Variants in MSI1 observed in about 807,000 individuals in gnomAD.
MSI1 encodes the protein musashi RNA binding protein 1, also known as RNA-binding protein Musashi homolog 1.
A neutral mutation model predicts 54.4 loss-of-function variants in MSI1; 15 were observed. That is an observed-to-expected ratio of 0.28 (90% CI 0.18 to 0.42). The LOEUF (loss-of-function observed/expected upper bound fraction) is 0.42, where lower values mean the gene tolerates loss of function less well. MSI1 is among the 20% of genes least tolerant of loss of function. The probability of loss-of-function intolerance (pLI) is 1.00; values close to 1 mark genes in which losing one functional copy is unlikely to be tolerated. For missense variants in MSI1, 304 were observed against 506.0 expected, an observed-to-expected ratio of 0.60 and a Z score of 3.83; for synonymous variants, 200 against 196.5, an observed-to-expected ratio of 1.02 and a Z score of -0.15.
intron 4 of MSI1, 141 bp from the exon 5 acceptor site, chr12:120,364,896 A>G: frequency 3.1e-6 from 2 of 644,176 alleles, no homozygotes; most frequent in Non-Finnish European, 5.2e-6. Context: ...GGAGGAGAGA[A>G]TAGTGGTTAA....
downstream of MSI1, among the ~76,000 whole-genome samples, chr12:120,341,106 G>A (rs1465754625): frequency 3.3e-5 from 5 of 151,774 alleles, no homozygotes; most frequent in African/African-American, 9.7e-5. Flanking sequence ...GCCTGGTCTC[G>A]AACTCCTGAC....
At chr12:120,343,983 AG>A (rs1293349586) in intron 14 of MSI1, among the ~76,000 whole-genome samples, 1 of 152,180 alleles carries the variant, frequency 6.6e-6, no homozygotes, top group East Asian at 1.9e-4. Flanking sequence ...CAGCCTCCCG[AG>A]TAGCTGAGAT....
chr12:120,368,311 C>G lies in MSI1; in HGVS notation c.101-38G>C. The G allele has an allele frequency of 3.3e-6, 5 of 1,502,058 alleles. No individual in the cohort carries two copies. Among genetic ancestry groups the G allele is most frequent in the Non-Finnish European group, 4.4e-6 (5 of 1,131,706 alleles). The allele number at this position is 1,502,058 out of a possible 1,614,324, so 93.0% of individuals were successfully genotyped here. A position where few individuals can be genotyped will look rare whatever the true frequency, so the allele number is the denominator to read the frequency against. On this transcript the variant is annotated intron_variant, in intron 2 of 14. Transcript: ENST00000257552. The surrounding 1 kb of genome is among the most constrained non-coding windows in gnomAD (Gnocchi z 6.6). ...ACCCGCCTTCGGACCAGCCCGGGCC[C>G]CGCGCCCTTCCCCCCCCCCCGTCCT...
intron 10 of MSI1, among the ~76,000 whole-genome samples, chr12:120,352,603 G>A (rs1874720254): frequency 6.6e-6 from 1 of 152,030 alleles, no homozygotes. Flanking sequence ...CGTACACAAA[G>A]TTCTCCAAGC....
intron 6 of MSI1, among the ~76,000 whole-genome samples, chr12:120,362,301 G>T (rs1344363145): frequency 6.6e-6 from 1 of 151,750 alleles, no homozygotes; most frequent in East Asian, 1.9e-4. Context: ...CAGGGACCCC[G>T]GCCCCAAGCA....
chr12:120,351,260 G>T (rs1033033173), intron 11 of MSI1, 84 bp downstream of exon 11: 5 of 1,295,862 alleles, frequency 3.9e-6, no homozygotes, highest in African/African-American at 1.5e-5. Context: ...AAAGGATCCC[G>T]CTAGCTTTCC....
chr12:120,363,232 A>C, intron 5 of MSI1, 97 bp from the exon 6 acceptor site: 2 of 989,578 alleles, frequency 2.0e-6, no homozygotes, highest in Non-Finnish European at 3.1e-6. Flanking sequence ...CCAGCTGACA[A>C]GCTCTCTGTG....
intron 9 of MSI1, among the ~76,000 whole-genome samples, chr12:120,354,945 A>G (rs552585319): frequency 1.1e-4 from 16 of 150,592 alleles, no homozygotes; most frequent in Admixed American, 1.1e-3. Context: ...TACCACCACA[A>G]CACTTTGGGA....
At chr12:120,350,198 A>AT (rs1278949108) in intron 11 of MSI1, among the ~76,000 whole-genome samples, 2 of 151,430 alleles carry the variant, frequency 1.3e-5, no homozygotes, top group Admixed American at 6.6e-5. Flanking sequence ...CTAGTTTTTT[A>AT]TTTTTTTTAG....
Position 120,347,318 on chromosome 12 carries a change from C to T in MSI1, c.859+128G>A, listed in dbSNP as rs1035382795. ...CGATGCCCAGCACAGAGCAGGTAAT[C>T]AGGTGATACTTGAGTGAATGAACAA... is the stretch of plus-strand genomic sequence containing the variant. On this transcript the variant is annotated intron_variant, in intron 12 of 14. Transcript: ENST00000257552. 3 of 1,125,610 alleles carry T rather than the reference C, an allele frequency of 2.7e-6. No homozygotes were observed. In the African/African-American group the frequency reaches 4.6e-5, roughly 17 times the overall value. 69.7% of individuals were successfully genotyped at this position (1,125,610 alleles called of 1,614,324 possible). A position where few individuals can be genotyped will look rare whatever the true frequency, so the allele number is the denominator to read the frequency against.
At chr12:120,346,102 G>T in intron 13 of MSI1, 33 bp downstream of exon 13, 3 of 1,489,516 alleles carry the variant, frequency 2.0e-6, no homozygotes, top group Admixed American at 2.3e-5. Flanking sequence ...GGTGTGGGGG[G>T]TGAGGTGGGG....
At chr12:120,363,746 T>C (rs922201099) in intron 5 of MSI1, among the ~76,000 whole-genome samples, 2 of 152,220 alleles carry the variant, frequency 1.3e-5, no homozygotes, top group Non-Finnish European at 2.9e-5. Flanking sequence ...TTCCTTCGAA[T>C]ACCTGCTCCA....
At chr12:120,341,310 A>G (rs753343798), downstream of MSI1, 2 of 152,644 alleles carry the variant, frequency 1.3e-5, no homozygotes, top group Admixed American at 1.3e-4. Flanking sequence ...ACAGAGACAC[A>G]AGACATTCAC....
rs11447122 is a variant in MSI1 at position 120,349,095 on chromosome 12, A to ATT, written c.791-1583_791-1582dup. On this transcript the variant is annotated intron_variant, in intron 11 of 14. Coordinates refer to ENST00000257552, the MANE Select transcript of MSI1 (RefSeq NM_002442.4). Reference sequence around the variant, plus strand: ...AGGTAAGCCTTTCTTGTTTTACTTGATTTTTTTTTTTTTTTTTTGAGACAG... The same window carrying ATT: ...AGGTAAGCCTTTCTTGTTTTACTTGATTTTTTTTTTTTTTTTTTTTGAGACAG... Among the ~76,000 whole-genome samples, 461 of 128,246 alleles carry ATT rather than the reference A, an allele frequency of 3.6e-3. 4 individuals are homozygous for ATT. The highest frequency in any genetic ancestry group is 0.012 in the South Asian group (45 of 3,912). The allele number at this position is 128,246 out of a possible 152,430, so 84.1% of individuals were successfully genotyped here. A position where few individuals can be genotyped will look rare whatever the true frequency, so the allele number is the denominator to read the frequency against.
chr12:120,348,886 T>C (rs995392920), intron 11 of MSI1, among the ~76,000 whole-genome samples: 5 of 151,624 alleles, frequency 3.3e-5, no homozygotes, highest in African/African-American at 1.2e-4. Flanking sequence ...AGAGCACAAC[T>C]TCATCTCAAA....
At chr12:120,345,969 T>C (rs1874082753) in intron 13 of MSI1, among the ~76,000 whole-genome samples, 166 bp downstream of exon 13, 1 of 152,218 alleles carries the variant, frequency 6.6e-6, no homozygotes, top group Non-Finnish European at 1.5e-5. Context: ...AAGTGCCCAC[T>C]GAATGAATGA....
chr12:120,354,371 G>C (rs1243798155), intron 9 of MSI1, among the ~76,000 whole-genome samples: 1 of 151,842 alleles, frequency 6.6e-6, no homozygotes, highest in Non-Finnish European at 1.5e-5. Context: ...TTAAAATTCA[G>C]ATCTGACGGG....
rs917973761 is a variant in MSI1 at position 120,363,081 on chromosome 12, C to G, written c.364G>C (p.Val122Leu). The G allele has an allele frequency of 2.5e-6, 4 of 1,614,146 alleles. No individual in the cohort carries two copies. The highest frequency in any genetic ancestry group is 3.4e-6 in the Non-Finnish European group (4 of 1,180,010). ...FVGGLSVNTT[V>L]EDVKQYFEQF... ...TCAAAATATTGCTTCACGTCCTCCA[C>G]CGTGGTGTTCACCGACAGCCCCCCC... Residue 122 changes from valine to leucine, a missense_variant, in exon 6 of 15, where the codon GTG (valine) becomes CTG (leucine). Around this residue, in one of 4 missense-constraint regions of MSI1, gnomAD observed 105 missense variants for 230.1 expected, o/e 0.46. Coordinates refer to ENST00000257552, the MANE Select transcript of MSI1 (RefSeq NM_002442.4).
chr12:120,339,744 G>A (rs978639092), downstream of MSI1, among the ~76,000 whole-genome samples: 15 of 151,548 alleles, frequency 9.9e-5, no homozygotes, highest in African/African-American at 3.2e-4. Flanking sequence ...GCGGGAAGTC[G>A]GCACCGAGAT....
Sources: gnomAD v4.1 joint callset for allele counts (sites outside exome capture counted in the v4.1 genomes callset) on GRCh38, gnomAD v4.1.1 for gene constraint, gnomAD v4.1.1 regional missense constraint, Gnocchi (gnomAD v3.1) non-coding constraint, MANE v1.5 for transcripts, NCBI Gene and HGNC (gene_info 2026-07-23, HGNC 2026-07-21) for gene names.